CSMD1: variants seen among roughly 807,000 people sequenced by gnomAD.
The protein encoded by CSMD1 is CUB and Sushi multiple domains 1, also known as CUB and sushi domain-containing protein 1.
A neutral mutation model predicts 417.5 loss-of-function variants in CSMD1; 213 were observed. The ratio of observed to expected loss-of-function variants is 0.51; its 90% CI spans 0.46 to 0.57. The LOEUF is 0.57. Among genes scored for constraint, CSMD1 ranks in the 20% least tolerant of loss-of-function variants. The pLI is 0.00. For synonymous variants in CSMD1, 2,862 were observed against 1,736.8 expected, an observed-to-expected ratio of 1.65 and a Z score of -16.11; for missense variants, 6,923 against 4,529.7, an observed-to-expected ratio of 1.53 and a Z score of -15.17.
At chr8:4,910,228 G>A (rs1805571350) in intron 1 of CSMD1, among the ~76,000 whole-genome samples, 1 of 152,126 alleles carries the variant, frequency 6.6e-6, no homozygotes, top group Non-Finnish European at 1.5e-5. Context: ...TTCATCTTGG[G>A]AAATGTGACT....
At chr8:4,293,227 G>A (rs1648181179) in intron 3 of CSMD1, among the ~76,000 whole-genome samples, 1 of 152,118 alleles carries the variant, frequency 6.6e-6, no homozygotes, top group Non-Finnish European at 1.5e-5. Context: ...CGTCCTCAAG[G>A]CCAGACTCCA....
chr8:4,209,223 G>T (rs1440849553), intron 3 of CSMD1, among the ~76,000 whole-genome samples: 1 of 151,720 alleles, frequency 6.6e-6, no homozygotes, highest in African/African-American at 2.4e-5. Context: ...CTTTTAAAAA[G>T]ACACTTGCCC....
chr8:4,399,847 G>C (rs200595871), intron 3 of CSMD1, among the ~76,000 whole-genome samples: 1 of 152,150 alleles, frequency 6.6e-6, no homozygotes, highest in Non-Finnish European at 1.5e-5. Context: ...TAAGGTGAGA[G>C]AAAGATCCCA....
At chr8:4,599,818 C>A (rs1563323054) in intron 2 of CSMD1, among the ~76,000 whole-genome samples, 1 of 152,286 alleles carries the variant, frequency 6.6e-6, no homozygotes, top group East Asian at 1.9e-4. Context: ...GTGTTTATCA[C>A]AATAATGCTC....
chr8:3,968,999 T>A (rs926511497), intron 5 of CSMD1, among the ~76,000 whole-genome samples: 5 of 152,152 alleles, frequency 3.3e-5, no homozygotes, highest in Admixed American at 1.3e-4. Context: ...ACCTGTACTA[T>A]CAGCACTTTG....
intron 3 of CSMD1, among the ~76,000 whole-genome samples, chr8:4,324,567 T>C (rs1274241948): frequency 6.6e-6 from 1 of 152,146 alleles, no homozygotes; most frequent in East Asian, 1.9e-4. Context: ...GGGAATAATT[T>C]CAAAGGACTG....
At chr8:4,367,799 G>A (rs189215574) in intron 3 of CSMD1, among the ~76,000 whole-genome samples, 2 of 151,948 alleles carry the variant, frequency 1.3e-5, no homozygotes, top group East Asian at 3.9e-4. Context: ...TATATCCCTA[G>A]GTATTTTATT....
At chr8:4,814,848 A>C (rs938436012) in intron 1 of CSMD1, among the ~76,000 whole-genome samples, 1 of 152,178 alleles carries the variant, frequency 6.6e-6, no homozygotes, top group East Asian at 1.9e-4. Flanking sequence ...CGGACTCTTA[A>C]TCATTTGTTA....
At chr8:4,805,812 G>A (rs762313976) in intron 1 of CSMD1, among the ~76,000 whole-genome samples, 16 of 152,084 alleles carry the variant, frequency 1.1e-4, no homozygotes, top group Non-Finnish European at 2.1e-4. Context: ...ATGTGGTCCT[G>A]GAACATGGAA....
intron 1 of CSMD1, among the ~76,000 whole-genome samples, chr8:4,715,721 C>A (rs1027403900): frequency 3.9e-5 from 6 of 152,126 alleles, no homozygotes; most frequent in African/African-American, 1.4e-4. Flanking sequence ...AGGTATCACC[C>A]TCAGCCCCTC....
intron 1 of CSMD1, among the ~76,000 whole-genome samples, chr8:4,908,968 C>T (rs925968588): frequency 6.6e-6 from 1 of 152,204 alleles, no homozygotes; most frequent in African/African-American, 2.4e-5. Flanking sequence ...TTGCCTTTAG[C>T]ATGCCCCGTG....
chr8:4,050,503 G>A (rs991173019), intron 3 of CSMD1, among the ~76,000 whole-genome samples: 5 of 151,906 alleles, frequency 3.3e-5, no homozygotes, highest in Admixed American at 2.0e-4. Context: ...GGGTAAATGG[G>A]GGTATGTATC....
At chr8:3,871,676 G>A (rs1378694711) in intron 5 of CSMD1, among the ~76,000 whole-genome samples, 3 of 151,936 alleles carry the variant, frequency 2.0e-5, no homozygotes, top group Non-Finnish European at 2.9e-5. Flanking sequence ...TTCATACAGA[G>A]GTCAATCATT....
intron 3 of CSMD1, among the ~76,000 whole-genome samples, chr8:4,176,311 A>T (rs886410401): frequency 1.3e-5 from 2 of 152,138 alleles, no homozygotes; most frequent in Non-Finnish European, 2.9e-5. Flanking sequence ...CATCTTATCT[A>T]TATTGTTTGC....
In CSMD1 at chr8:4,710,318, A is replaced by C. The variant is rs186747338; in HGVS notation, c.86-72760T>G. On this transcript the variant is annotated intron_variant, in intron 1 of 69. Coordinates refer to ENST00000635120, the MANE Select transcript of CSMD1 (RefSeq NM_033225.6). ...TGTATATGTGTATACATTTAAACGC[A>C]TATAAACATATTCTAAAGTACATTA... Among the ~76,000 whole-genome samples the C allele has an allele frequency of 6.0e-3, 913 of 150,934 alleles. 14 individuals are homozygous for C. Among genetic ancestry groups the C allele is most frequent in the African/African-American group, 0.021 (874 of 41,306 alleles).
chr8:3,448,634 G>T (rs901808803), intron 12 of CSMD1, among the ~76,000 whole-genome samples: 1 of 152,030 alleles, frequency 6.6e-6, no homozygotes, highest in Non-Finnish European at 1.5e-5. Flanking sequence ...AGAGTGTGGG[G>T]CAAGGAGCGG....
At chr8:4,946,535 T>C (rs1041137108) in intron 1 of CSMD1, among the ~76,000 whole-genome samples, 1 of 152,162 alleles carries the variant, frequency 6.6e-6, no homozygotes, top group Non-Finnish European at 1.5e-5. Flanking sequence ...TAACCAGGCC[T>C]GAAGCATGTC....
chr8:4,569,788 T>C (rs1164123652), intron 2 of CSMD1, among the ~76,000 whole-genome samples: 1 of 152,228 alleles, frequency 6.6e-6, no homozygotes, highest in Non-Finnish European at 1.5e-5. Context: ...AATTTTTCTT[T>C]CCATTTGTTT....
At chr8:3,948,290 G>A (rs1053276052) in intron 5 of CSMD1, among the ~76,000 whole-genome samples, 1 of 152,084 alleles carries the variant, frequency 6.6e-6, no homozygotes, top group African/African-American at 2.4e-5. Flanking sequence ...AAAACAAAAA[G>A]TCATGTTAGT....
Sources: gnomAD v4.1 joint callset for allele counts (sites outside exome capture counted in the v4.1 genomes callset) on GRCh38, gnomAD v4.1.1 for gene constraint, MANE v1.5 for transcripts, NCBI Gene and HGNC (gene_info 2026-07-23, HGNC 2026-07-21) for gene names.